Variants in OR5AN1 observed in about 807,000 individuals in gnomAD.
OR5AN1 encodes olfactory receptor family 5 subfamily AN member 1, also known as olfactory receptor 5AN1.
For missense variants in OR5AN1, 476 were observed against 368.9 expected, an observed-to-expected ratio of 1.29 and a Z score of -2.38; for synonymous variants, 167 against 131.8, an observed-to-expected ratio of 1.27 and a Z score of -1.83.
chr11:59,364,128 C>T (rs935619856), intron 1 of OR5AN1, among the ~76,000 whole-genome samples: 1 of 152,164 alleles, frequency 6.6e-6, no homozygotes, highest in African/African-American at 2.4e-5. Context: ...TGAAGAAAAA[C>T]TATTATCTTA....
At position 59,365,207 on chromosome 11, in the gene OR5AN1, C is replaced by A; in HGVS notation, c.749C>A (p.Ser250Tyr). ...TGTGCTTCTCATCTAACAGCTGTTT[C>A]CCTCTTCTATACATCAGGAATCTTT... is the stretch of plus-strand genomic sequence containing the variant. ...NTCASHLTAV[S>Y]LFYTSGIFVY... The change falls in exon 2 of 2, where the codon TCC (serine) becomes TAC (tyrosine). Residue 250 changes from serine (S) to tyrosine (Y), a missense_variant. Transcript: ENST00000641998. 1 of 1,614,078 alleles carries A rather than the reference C, an allele frequency of 6.2e-7. No homozygotes were observed. The highest frequency in any genetic ancestry group is 1.7e-4 in the Middle Eastern group (1 of 6,060).
chr11:59,365,036 C>G lies in OR5AN1; in HGVS notation c.578C>G (p.Thr193Ser), dbSNP rs758373181. 1.2e-4 allele frequency: 186 copies of G among 1,613,846 alleles called. No homozygotes were observed. The highest frequency in any genetic ancestry group is 1.5e-4 in the Non-Finnish European group (179 of 1,179,848). The part of the protein sequence containing the change: ...PQLLILSCTD[T>S]FFVQVMTAIL... ...CTGTTAATCTTGTCCTGTACTGACACTTTCTTTGTACAGGTCATGACTGCT... is the reference window on the plus strand; with the variant it reads ...CTGTTAATCTTGTCCTGTACTGACAGTTTCTTTGTACAGGTCATGACTGCT... Residue 193 changes from threonine (T) to serine (S), a missense_variant, in exon 2 of 2, where the codon ACT becomes AGT. By Grantham distance (58) the Thr-to-Ser change is moderately conservative (BLOSUM62 1). Transcript: ENST00000641998.
chr11:59,367,892 C>A lies in OR5AN1; in HGVS notation c.*2498C>A, dbSNP rs1565054419. Reference sequence around the variant, plus strand: ...CACTCACAGAGGGAGAAGTGGGTTACCATCTTTGCTGTTTTAATGACTTAG... The same window carrying A: ...CACTCACAGAGGGAGAAGTGGGTTAACATCTTTGCTGTTTTAATGACTTAG... On this transcript the variant is annotated 3_prime_UTR_variant, in exon 2 of 2. Coordinates refer to ENST00000641998, the MANE Select transcript of OR5AN1 (RefSeq NM_001004729.2). 6.6e-6 allele frequency: 1 copy of A among 152,116 alleles called. No homozygotes were observed. 9.4% of individuals were successfully genotyped at this position (152,116 alleles called of 1,614,324 possible). A position where few individuals can be genotyped will look rare whatever the true frequency, so the allele number is the denominator to read the frequency against.
rs754270928 is a variant in OR5AN1, at chr11:59,365,112, C to T, written c.654C>T (p.Ser218=). The change falls in exon 2 of 2, where the codon TCC becomes TCT. Residue 218 remains serine (S), a synonymous_variant. Transcript: ENST00000641998. The stretch of plus-strand genomic sequence containing the variant: ...CAAGTGCCCTAGTTATCATGATATC[C>T]TATGGCTATATTGGCATCTCCATCA... ...GIASALVIMI[S]YGYIGISIMK... 6.2e-7 allele frequency: 1 copy of T among 1,614,112 alleles called. No individual in the cohort carries two copies. The highest frequency in any genetic ancestry group is 1.7e-5 in the Admixed American group (1 of 60,006).
At position 59,366,031 on chromosome 11, in the gene OR5AN1, A is replaced by G. The variant is rs910010648; in HGVS notation, c.*637A>G. ...TACATTTTTGGCAATTTCCTTGCCT[A>G]CACCAGCTGTAGCATAAGAAAGAAG... On this transcript the variant is annotated 3_prime_UTR_variant, in exon 2 of 2. Coordinates refer to ENST00000641998, the MANE Select transcript of OR5AN1 (RefSeq NM_001004729.2). The G allele has an allele frequency of 6.6e-6, 1 of 152,202 alleles. No homozygotes were observed. Among genetic ancestry groups the G allele is most frequent in the Non-Finnish European group, 1.5e-5 (1 of 68,040 alleles). 9.4% of individuals were successfully genotyped at this position (152,202 alleles called of 1,614,324 possible). A position where few individuals can be genotyped will look rare whatever the true frequency, so the allele number is the denominator to read the frequency against.
rs1339241290 is a variant in OR5AN1 at position 59,366,093 on chromosome 11, G to T, written c.*699G>T. The T allele has an allele frequency of 6.6e-6, 1 of 152,098 alleles. No homozygotes were observed. Among genetic ancestry groups the T allele is most frequent in the East Asian group, 1.9e-4 (1 of 5,190 alleles). The allele number at this position is 152,098 out of a possible 1,614,324, so 9.4% of individuals were successfully genotyped here. On this transcript the variant is annotated 3_prime_UTR_variant, in exon 2 of 2. Coordinates refer to ENST00000641998, the MANE Select transcript of OR5AN1 (RefSeq NM_001004729.2). ...AATCATGAAGTGGGATAGAAACAAG[G>T]ATATGGTTCCTGCAATCATATTTAC... is the stretch of plus-strand genomic sequence containing the variant.
rs753954265 is a variant in OR5AN1, at chr11:59,365,345, A to G, written c.887A>G (p.Lys296Arg). ...LNPLIYSLRN[K>R]EIKDALKRLQ... ...CCCTTGATTTACAGTTTGAGGAACAAAGAAATTAAAGATGCCTTAAAGAGG... is the reference window on the plus strand; with the variant it reads ...CCCTTGATTTACAGTTTGAGGAACAGAGAAATTAAAGATGCCTTAAAGAGG... Residue 296 changes from lysine (K) to arginine (R), a missense_variant, in exon 2 of 2, where the codon AAA becomes AGA. Coordinates refer to ENST00000641998, the MANE Select transcript of OR5AN1 (RefSeq NM_001004729.2). The G allele has an allele frequency of 2.5e-6, 4 of 1,609,250 alleles. No homozygotes were observed. In the South Asian group the frequency reaches 4.4e-5, roughly 18 times the overall value.
At position 59,364,580 on chromosome 11, in the gene OR5AN1, C is replaced by T; in HGVS notation, c.122C>T (p.Ala41Val). ...IFLVIYITSL[A>V]WNLSLIVLIR... ...CTGGTGATCTACATTACATCTCTGG[C>T]CTGGAACCTCTCCCTCATTGTTTTA... The change falls in exon 2 of 2, where the codon GCC becomes GTC. Residue 41 changes from alanine (A) to valine (V), a missense_variant. By Grantham distance (64) the Ala-to-Val change is moderately conservative. Transcript: ENST00000641998. 7 of 1,613,890 alleles carry T rather than the reference C, an allele frequency of 4.3e-6. No homozygotes were observed. The South Asian group carries it at 6.6e-5, about 15-fold the overall frequency.
At position 59,365,293 on chromosome 11, in the gene OR5AN1, T is replaced by A; in HGVS notation, c.835T>A (p.Tyr279Asn). The change falls in exon 2 of 2, where the codon TAC becomes AAC. Residue 279 changes from tyrosine to asparagine, a missense_variant. Coordinates refer to ENST00000641998, the MANE Select transcript of OR5AN1 (RefSeq NM_001004729.2). ...CTTTGACAGATTTGCATCTGTTTTC[T>A]ACACTGTGGTCATTCCCATGTTAAA... is the stretch of plus-strand genomic sequence containing the variant. ...SSFDRFASVF[Y>N]TVVIPMLNPL... The A allele has an allele frequency of 1.2e-6, 2 of 1,612,592 alleles. No individual in the cohort carries two copies. The highest frequency in any genetic ancestry group is 2.2e-5 in the East Asian group (1 of 44,854).
chr11:59,361,843 T>C (rs1189060479), intron 1 of OR5AN1, among the ~76,000 whole-genome samples: 1 of 152,166 alleles, frequency 6.6e-6, no homozygotes, highest in Non-Finnish European at 1.5e-5. Flanking sequence ...TTTTTACATT[T>C]AATAATATTT....
At chr11:59,360,276 TG>T (rs1857449474) in intron 1 of OR5AN1, among the ~76,000 whole-genome samples, 1 of 152,248 alleles carries the variant, frequency 6.6e-6, no homozygotes, top group Admixed American at 6.5e-5. Context: ...TTATTGTCAC[TG>T]AATTGACCAG....
Position 59,364,946 on chromosome 11 carries a change from C to T in OR5AN1, c.488C>T (p.Ala163Val), listed in dbSNP as rs1401751121. 6.2e-7 allele frequency: 1 copy of T among 1,614,116 alleles called. No individual in the cohort carries two copies. The highest frequency in any genetic ancestry group is 1.1e-5 in the South Asian group (1 of 91,086). ...ACTGCTTCTTTATTCCAAATTGGTGCTTTGCTTCAACTCCACTTCTGTGGG... is the reference window on the plus strand; with the variant it reads ...ACTGCTTCTTTATTCCAAATTGGTGTTTTGCTTCAACTCCACTTCTGTGGG... ...GLTASLFQIGALLQLHFCGSN... is the reference protein window; with the variant it reads ...GLTASLFQIGVLLQLHFCGSN... Residue 163 changes from alanine to valine, a missense_variant, in exon 2 of 2, where the codon GCT (alanine) becomes GTT (valine). Transcript: ENST00000641998.
Position 59,365,176 on chromosome 11 carries a change from A to G in OR5AN1, c.718A>G (p.Asn240Asp), listed in dbSNP as rs1383755458. 6.2e-7 allele frequency: 1 copy of G among 1,614,046 alleles called. No individual in the cohort carries two copies. The highest frequency in any genetic ancestry group is 1.3e-5 in the African/African-American group (1 of 75,044). Reference protein sequence around the residue: ...TSAKGRSKAFNTCASHLTAVS... With the variant: ...TSAKGRSKAFDTCASHLTAVS... ...AGCTAAAGGCAGGTCCAAGGCATTC[A>G]ACACCTGTGCTTCTCATCTAACAGC... Residue 240 changes from asparagine to aspartate, a missense_variant, in exon 2 of 2, where the codon AAC becomes GAC. Physicochemically the swap from Asn to Asp is conservative, Grantham distance 23. Transcript: ENST00000641998.
At position 59,365,292 on chromosome 11, in the gene OR5AN1, C is replaced by A; in HGVS notation, c.834C>A (p.Phe278Leu). ...GCTTTGACAGATTTGCATCTGTTTT[C>A]TACACTGTGGTCATTCCCATGTTAA... ...SSSFDRFASVFYTVVIPMLNP... is the reference protein window; with the variant it reads ...SSSFDRFASVLYTVVIPMLNP... The change falls in exon 2 of 2, where the codon TTC becomes TTA. Residue 278 changes from phenylalanine (F) to leucine (L), a missense_variant. Phe to Leu is a conservative substitution (Grantham distance 22). Transcript: ENST00000641998. 1.2e-6 allele frequency: 2 copies of A among 1,612,364 alleles called. No homozygotes were observed. The highest frequency in any genetic ancestry group is 1.7e-6 in the Non-Finnish European group (2 of 1,178,600).
rs771008005 is a variant in OR5AN1, at chr11:59,364,845, C to A, written c.387C>A (p.Asn129Lys). ...MAYDRYAAIC[N>K]PLLYSSIMSP... ...ATGATCGTTATGCTGCCATTTGTAA[C>A]CCCCTGCTCTATTCATCCATCATGT... Residue 129 changes from asparagine (N) to lysine (K), a missense_variant, in exon 2 of 2, where the codon AAC becomes AAA. Asn to Lys is a moderately conservative substitution (Grantham distance 94). Coordinates refer to ENST00000641998, the MANE Select transcript of OR5AN1 (RefSeq NM_001004729.2). 1 of 1,613,850 alleles carries A rather than the reference C, an allele frequency of 6.2e-7. No homozygotes were observed. Among genetic ancestry groups the A allele is most frequent in the South Asian group, 1.1e-5 (1 of 91,040 alleles).
chr11:59,361,517 G>T (rs1857462242), intron 1 of OR5AN1, among the ~76,000 whole-genome samples: 1 of 152,190 alleles, frequency 6.6e-6, no homozygotes, highest in Non-Finnish European at 1.5e-5. Flanking sequence ...CTGACCTCAG[G>T]CAATCCACCT....
In OR5AN1 at chr11:59,364,672, G is replaced by A; in HGVS notation, c.214G>A (p.Val72Ile). ...CCTCAGTAACCTGTCCTTCATAGAT[G>A]TCTGCTATATCAGCTCCACAGTCCC... ...FFLSNLSFID[V>I]CYISSTVPKM... is the part of the protein sequence containing the mutation. The change falls in exon 2 of 2, where the codon GTC becomes ATC. Residue 72 changes from valine (V) to isoleucine (I), a missense_variant. Transcript: ENST00000641998. 2 of 1,613,848 alleles carry A rather than the reference G, an allele frequency of 1.2e-6. No homozygotes were observed. The highest frequency in any genetic ancestry group is 1.7e-6 in the Non-Finnish European group (2 of 1,179,868).
At chr11:59,360,390 A>G (rs1425983403) in intron 1 of OR5AN1, among the ~76,000 whole-genome samples, 1 of 152,100 alleles carries the variant, frequency 6.6e-6, no homozygotes, top group Admixed American at 6.6e-5. Flanking sequence ...ATATTGTATT[A>G]GAGGGTTTTT....
At position 59,364,478 on chromosome 11, in the gene OR5AN1, T is replaced by C. The variant is rs931411489; in HGVS notation, c.20T>C (p.Ile7Thr). ...GAGCCAATGACTGGGGGAGGAAATATTACAGAAATCACCTATTTCATCCTG... is the reference window on the plus strand; with the variant it reads ...GAGCCAATGACTGGGGGAGGAAATACTACAGAAATCACCTATTTCATCCTG... MTGGGN[I>T]TEITYFILLG... is the part of the protein sequence containing the mutation. Residue 7 changes from isoleucine (I) to threonine (T), a missense_variant, in exon 2 of 2, where the codon ATT becomes ACT. Coordinates refer to ENST00000641998, the MANE Select transcript of OR5AN1 (RefSeq NM_001004729.2). 1.2e-6 allele frequency: 2 copies of C among 1,610,424 alleles called. No homozygotes were observed. Among genetic ancestry groups the C allele is most frequent in the Admixed American group, 1.7e-5 (1 of 59,768 alleles).
Sources: gnomAD v4.1 joint callset for allele counts (sites outside exome capture counted in the v4.1 genomes callset) on GRCh38, gnomAD v4.1.1 for gene constraint, MANE v1.5 for transcripts, NCBI Gene and HGNC (gene_info 2026-07-23, HGNC 2026-07-21) for gene names.